The following ROBO2 variants were observed in gnomAD, a reference collection of about 807,000 sequenced individuals.
ROBO2 encodes roundabout guidance receptor 2, also known as roundabout homolog 2.
A neutral mutation model predicts 160.8 loss-of-function variants in ROBO2; 53 were observed. That is an observed-to-expected ratio of 0.33 (90% confidence interval 0.26 to 0.41). The LOEUF is 0.41. Among genes scored for constraint, ROBO2 ranks in the 10% least tolerant of loss-of-function variants. The pLI is 1.00. For missense variants in ROBO2, 1,577 were observed against 1,722.4 expected (o/e 0.92, Z 1.49); for synonymous variants, 664 against 611.7 (o/e 1.09, Z -1.26).
chr3:76,435,226 C>T, intron 2 of ROBO2: 2 of 1,511,574 alleles, frequency 1.3e-6, no homozygotes, highest in South Asian at 1.1e-5. Flanking sequence ...CCAACCATAT[C>T]CATCAACAAA....
In ROBO2 at chr3:77,022,243, G is replaced by A. The variant is rs192347015; in HGVS notation, c.110-75771G>A. On this transcript the variant is annotated intron_variant, in intron 2 of 26. Coordinates refer to the ROBO2 transcript ENST00000487694. ...AAGTTAGCTGGAGGTGGTGACAAAC[G>A]CCTGTAATCCCAGCTACTCAGGAGG... 2.8e-3 allele frequency among the ~76,000 whole-genome samples: 430 copies of A among 152,228 alleles called. 2 individuals are homozygous for A. Among genetic ancestry groups the A allele is most frequent in the African/African-American group, 9.9e-3 (413 of 41,558 alleles).
rs200040879 is a variant in ROBO2 at position 77,607,893 on chromosome 3, C to A, written c.3232C>A (p.Pro1078Thr). 25 of 1,613,866 alleles carry A rather than the reference C, an allele frequency of 1.5e-5. No homozygotes were observed. The highest frequency in any genetic ancestry group is 1.3e-4 in the African/African-American group (10 of 74,876). Residue 1078 changes from proline to threonine, a missense_variant, in exon 21 of 26, where the codon CCA (proline) becomes ACA (threonine). By Grantham distance (38) the Pro-to-Thr change is conservative. Coordinates refer to ENST00000461745, the Ensembl canonical transcript of ROBO2. ...GGCCAATGTCCCTCTACCTCCCCCCCCAGTCCAGCCCCTTCCTGGCACGGA... is the reference window on the plus strand; with the variant it reads ...GGCCAATGTCCCTCTACCTCCCCCCACAGTCCAGCCCCTTCCTGGCACGGA...
chr3:76,597,902 C>T (rs2086848106), intron 2 of ROBO2, among the ~76,000 whole-genome samples: 2 of 152,076 alleles, frequency 1.3e-5, no homozygotes, highest in South Asian at 4.2e-4. Flanking sequence ...TTGTAGTATT[C>T]TATGGTATAT....
intron 17 of ROBO2, among the ~76,000 whole-genome samples, chr3:77,591,319 T>C (rs1484493479): frequency 6.6e-6 from 1 of 152,164 alleles, no homozygotes; most frequent in Non-Finnish European, 1.5e-5. Flanking sequence ...GTAAAGTTTC[T>C]ATTTGGAGTA....
chr3:76,195,354 A>C (rs906406311), intron 2 of ROBO2, among the ~76,000 whole-genome samples: 3 of 152,190 alleles, frequency 2.0e-5, no homozygotes, highest in African/African-American at 7.2e-5. Context: ...GAACTCACAG[A>C]TCACCTGACA....
intron 2 of ROBO2, among the ~76,000 whole-genome samples, chr3:77,402,555 TTGGGTGAA>T: frequency 6.6e-6 from 1 of 150,850 alleles, no homozygotes; most frequent in East Asian, 1.9e-4. Flanking sequence ...ATCTCAGGAG[TTGGGTGAA>T]TGGGCTCAAC....
chr3:76,242,367 C>G (rs1164919986), intron 2 of ROBO2, among the ~76,000 whole-genome samples: 2 of 152,082 alleles, frequency 1.3e-5, no homozygotes, highest in Non-Finnish European at 2.9e-5. Context: ...CTACCTTGTA[C>G]TATTATAATA....
chr3:76,691,783 C>A (rs373074585), intron 2 of ROBO2, among the ~76,000 whole-genome samples: 84 of 152,036 alleles, frequency 5.5e-4, no homozygotes, highest in African/African-American at 1.9e-3. Context: ...TATACCAAAG[C>A]GATGACCTGA....
At chr3:76,508,900 G>A (rs1413783906) in intron 2 of ROBO2, among the ~76,000 whole-genome samples, 1 of 151,948 alleles carries the variant, frequency 6.6e-6, no homozygotes, top group Non-Finnish European at 1.5e-5. Flanking sequence ...TCTAACCTAG[G>A]TCATATTGAT....
chr3:77,126,378 C>G (rs1324141539), intron 2 of ROBO2, among the ~76,000 whole-genome samples: 1 of 152,158 alleles, frequency 6.6e-6, no homozygotes, highest in Non-Finnish European at 1.5e-5. Flanking sequence ...AATTGGCCTA[C>G]TTAAAATTCA....
intron 2 of ROBO2, among the ~76,000 whole-genome samples, chr3:77,142,822 T>G (rs1426116218): frequency 2.0e-5 from 3 of 152,152 alleles, no homozygotes; most frequent in African/African-American, 7.2e-5. Context: ...AGGCTAGGCA[T>G]GTGCACATAC....
At chr3:77,593,629 T>G (rs1026754426) in intron 17 of ROBO2, among the ~76,000 whole-genome samples, 1 of 152,144 alleles carries the variant, frequency 6.6e-6, no homozygotes, top group Admixed American at 6.6e-5. Flanking sequence ...CCCTTGGAGT[T>G]TAGAGTCATA....
At chr3:76,580,903 T>C (rs2085660945) in intron 2 of ROBO2, among the ~76,000 whole-genome samples, 1 of 152,168 alleles carries the variant, frequency 6.6e-6, no homozygotes, top group African/African-American at 2.4e-5. Flanking sequence ...TTCTGGAAGT[T>C]CAATAGATAA....
chr3:76,365,986 T>A (rs1265373574), intron 2 of ROBO2, among the ~76,000 whole-genome samples: 1 of 152,044 alleles, frequency 6.6e-6, no homozygotes, highest in East Asian at 1.9e-4. Flanking sequence ...GTCTCTGCCC[T>A]CATCACCTTC....
At chr3:76,320,461 T>G (rs2072423800) in intron 2 of ROBO2, among the ~76,000 whole-genome samples, 2 of 152,174 alleles carry the variant, frequency 1.3e-5, no homozygotes, top group Admixed American at 1.3e-4. Flanking sequence ...GGACAGACCC[T>G]ACATATGCTC....
chr3:77,285,629 A>G (rs1354635710), intron 2 of ROBO2, among the ~76,000 whole-genome samples: 2 of 152,190 alleles, frequency 1.3e-5, no homozygotes, highest in African/African-American at 2.4e-5. Flanking sequence ...AAACTAAAGC[A>G]TTATGACCTT....
At chr3:76,712,875 C>T (rs1424271876) in intron 2 of ROBO2, among the ~76,000 whole-genome samples, 1 of 151,846 alleles carries the variant, frequency 6.6e-6, no homozygotes, top group African/African-American at 2.4e-5. Flanking sequence ...GTAACTTTTT[C>T]ACATTAATCT....
intron 2 of ROBO2, among the ~76,000 whole-genome samples, chr3:76,785,016 T>G (rs755166765): frequency 6.6e-6 from 1 of 151,244 alleles, no homozygotes; most frequent in Non-Finnish European, 1.5e-5. Context: ...CTTTGGGACC[T>G]CTTTAAAGTA....
chr3:77,278,635 T>C (rs2060045652), intron 2 of ROBO2, among the ~76,000 whole-genome samples: 1 of 152,166 alleles, frequency 6.6e-6, no homozygotes, highest in Non-Finnish European at 1.5e-5. Flanking sequence ...TATTTTTACT[T>C]TATAGATAAG....
Sources: gnomAD v4.1 joint callset for allele counts (sites outside exome capture counted in the v4.1 genomes callset) on GRCh38, gnomAD v4.1.1 for gene constraint, MANE v1.5 for transcripts, NCBI Gene and HGNC (gene_info 2026-07-23, HGNC 2026-07-21) for gene names.